PCDHGA9: variants seen among roughly 807,000 people sequenced by gnomAD.
The protein encoded by PCDHGA9 is protocadherin gamma subfamily A, 9.
A neutral mutation model predicts 62.5 loss-of-function variants in PCDHGA9; 37 were observed. That is an observed-to-expected ratio of 0.59 (90% CI 0.46 to 0.78). The LOEUF is 0.78. PCDHGA9 is among the 30% of genes least tolerant of loss of function. PCDHGA9 has a pLI of 0.00. For missense variants in PCDHGA9, 1,138 were observed against 1,166.2 expected, an observed-to-expected ratio of 0.98 and a Z score of 0.35; for synonymous variants, 459 against 484.6, an observed-to-expected ratio of 0.95 and a Z score of 0.69.
At chr5:141,408,188 G>A in intron 1 of PCDHGA9, 6 of 1,543,620 alleles carry the variant, frequency 3.9e-6, no homozygotes, top group Non-Finnish European at 4.4e-6. Flanking sequence ...GACCCAGCGA[G>A]AACCCGAGCG....
At chr5:141,409,241 A>G in intron 1 of PCDHGA9, 1 of 1,614,038 alleles carries the variant, frequency 6.2e-7, no homozygotes. Context: ...CAGCCCAGAA[A>G]TAATCATCAC....
intron 3 of PCDHGA9, among the ~76,000 whole-genome samples, chr5:141,509,620 C>G (rs1321910971): frequency 6.6e-6 from 1 of 152,188 alleles, no homozygotes; most frequent in African/African-American, 2.4e-5. Context: ...TAAACAAGTT[C>G]CTGGGTGATG....
chr5:141,459,486 G>A (rs764885682), intron 1 of PCDHGA9, among the ~76,000 whole-genome samples: 8 of 152,154 alleles, frequency 5.3e-5, no homozygotes, highest in Admixed American at 3.9e-4. Context: ...GTGCTATTCT[G>A]AATTAAAGTG....
chr5:141,449,497 G>A (rs903338878), intron 1 of PCDHGA9, among the ~76,000 whole-genome samples: 4 of 149,856 alleles, frequency 2.7e-5, no homozygotes, highest in African/African-American at 9.9e-5. Flanking sequence ...GGTGAGGCAT[G>A]AGAAATGCTT....
chr5:141,468,528 G>A (rs2154569956), intron 1 of PCDHGA9: 1 of 152,056 alleles, frequency 6.6e-6, no homozygotes, highest in South Asian at 2.1e-4. Context: ...TTTTTTGCAG[G>A]TAGTTTCCTG....
At chr5:141,421,504 C>G (rs757410882) in intron 1 of PCDHGA9, 1 of 1,614,062 alleles carries the variant, frequency 6.2e-7, no homozygotes, top group South Asian at 1.1e-5. Flanking sequence ...CAGGATAGAC[C>G]GGGAGGAGCT....
chr5:141,474,242 G>A (rs575397598), intron 1 of PCDHGA9, among the ~76,000 whole-genome samples: 1 of 152,192 alleles, frequency 6.6e-6, no homozygotes, highest in African/African-American at 2.4e-5. Context: ...GCTGAATAGG[G>A]GAAAAAAAGA....
chr5:141,460,981 G>GTA (rs1491204135), intron 1 of PCDHGA9, among the ~76,000 whole-genome samples: 1,658 of 121,856 alleles, frequency 0.014, 27 homozygotes, highest in African/African-American at 0.051. Flanking sequence ...GTGTGTGTGT[G>GTA]TGTATATATA....
intron 1 of PCDHGA9, chr5:141,421,399 C>T (rs777999539): frequency 1.2e-6 from 2 of 1,613,928 alleles, no homozygotes; most frequent in East Asian, 2.2e-5. Flanking sequence ...GCTGGAGCCC[C>T]GGGAGCTGGC....
intron 1 of PCDHGA9, chr5:141,420,219 T>C: frequency 6.2e-7 from 1 of 1,607,100 alleles, no homozygotes. Flanking sequence ...GATAGCATGC[T>C]ACTGGCTAGC....
intron 1 of PCDHGA9, chr5:141,433,049 C>A (rs1418118305): frequency 6.2e-7 from 1 of 1,614,110 alleles, no homozygotes; most frequent in Admixed American, 1.7e-5. Flanking sequence ...CACGGACTCG[C>A]GGAAGAGTCA....
At chr5:141,418,013 A>G (rs769578436) in intron 1 of PCDHGA9, 45 of 1,613,788 alleles carry the variant, frequency 2.8e-5, no homozygotes, top group African/African-American at 4.0e-5. Flanking sequence ...GAACCTCGCT[A>G]AGGATCTAGG....
chr5:141,419,618 C>T (rs746617593), intron 1 of PCDHGA9: 3 of 1,612,326 alleles, frequency 1.9e-6, no homozygotes, highest in South Asian at 1.1e-5. Flanking sequence ...GCCAGGCTAC[C>T]TGGTGACCAA....
rs191165530 is a variant in PCDHGA9 at position 141,439,134 on chromosome 5, A to T, written c.2424+33758A>T. On this transcript the variant is annotated intron_variant, in intron 1 of 3. Coordinates refer to ENST00000573521, the MANE Select transcript of PCDHGA9 (RefSeq NM_018921.3). The stretch of plus-strand genomic sequence containing the variant: ...CTTGAACCCGGGAGACAGAGGTTGC[A>T]GTGAGCTGAGATCACGCCACTGCAC... Among the ~76,000 whole-genome samples the T allele has an allele frequency of 2.4e-3, 368 of 151,344 alleles. 1 individual carries two copies. Among genetic ancestry groups the T allele is most frequent in the African/African-American group, 8.5e-3 (349 of 41,216 alleles).
At position 141,423,482 on chromosome 5, in the gene PCDHGA9, A is replaced by T. The variant is rs553914622; in HGVS notation, c.2424+18106A>T. On this transcript the variant is annotated intron_variant, in intron 1 of 3. Transcript: ENST00000573521. ...GTGGACGGGGTACAGGCTTTCCTGC[A>T]AACCTATTCCCACGAGGTCTCTCTC... is the stretch of plus-strand genomic sequence containing the variant. 1.1e-5 allele frequency: 17 copies of T among 1,613,968 alleles called. No homozygotes were observed. The African/African-American group carries it at 2.3e-4, about 22-fold the overall frequency.
rs368371918 is a variant in PCDHGA9 at position 141,432,800 on chromosome 5, C to G, written c.2424+27424C>G. Reference sequence around the variant, plus strand: ...GGCGGACCTCGGCAGCCTCGAGTCTCCAGCTAACTCTGAAACCTCAGACCT... The same window carrying G: ...GGCGGACCTCGGCAGCCTCGAGTCTGCAGCTAACTCTGAAACCTCAGACCT... On this transcript the variant is annotated intron_variant, in intron 1 of 3. Coordinates refer to ENST00000573521, the MANE Select transcript of PCDHGA9 (RefSeq NM_018921.3). This position sits in a 1 kb window ranked among gnomAD's most constrained non-coding sequence, Gnocchi z 6.0. The G allele has an allele frequency of 9.9e-6, 16 of 1,614,038 alleles. No individual in the cohort carries two copies. Among genetic ancestry groups the G allele is most frequent in the Non-Finnish European group, 1.3e-5 (15 of 1,180,016 alleles).
intron 1 of PCDHGA9, among the ~76,000 whole-genome samples, chr5:141,492,622 C>A (rs2099742615): frequency 6.6e-6 from 1 of 152,218 alleles, no homozygotes; most frequent in South Asian, 2.1e-4. Flanking sequence ...GCCGGGCGGG[C>A]AGGACTCTAC....
Position 141,486,862 on chromosome 5 carries a change from A to G in PCDHGA9, c.2425-7945A>G. The G allele has an allele frequency of 6.2e-7, 1 of 1,614,256 alleles. No individual in the cohort carries two copies. The highest frequency in any genetic ancestry group is 1.3e-5 in the African/African-American group (1 of 75,078). On this transcript the variant is annotated intron_variant, in intron 1 of 3. Transcript: ENST00000573521. This position sits in a 1 kb window ranked among gnomAD's most constrained non-coding sequence, Gnocchi z 5.0. Reference sequence around the variant, plus strand: ...TGCTGGACCTCAATGACAATGCTCCAGCTGTGCTCCGTCCTCGGGCCCGGC... The same window carrying G: ...TGCTGGACCTCAATGACAATGCTCCGGCTGTGCTCCGTCCTCGGGCCCGGC...
At chr5:141,412,001 A>G (rs2095528527) in intron 1 of PCDHGA9, 1 of 151,750 alleles carries the variant, frequency 6.6e-6, no homozygotes, top group Non-Finnish European at 1.5e-5. Flanking sequence ...GCATAGTGAC[A>G]TAAACACTTC....
Sources: gnomAD v4.1 joint callset for allele counts (sites outside exome capture counted in the v4.1 genomes callset) on GRCh38, gnomAD v4.1.1 for gene constraint, Gnocchi (gnomAD v3.1) non-coding constraint, MANE v1.5 for transcripts, NCBI Gene and HGNC (gene_info 2026-07-23, HGNC 2026-07-21) for gene names.